The following SLC39A12 variants were observed in gnomAD, a reference collection of about 807,000 sequenced individuals.
SLC39A12 encodes the protein solute carrier family 39 member 12, also known as zinc transporter ZIP12.
In SLC39A12, 63 loss-of-function variants were observed where a neutral mutation model predicts 71.1. The ratio of observed to expected loss-of-function variants is 0.89; its 90% CI spans 0.72 to 1.09. The LOEUF (loss-of-function observed/expected upper bound fraction) is 1.09. SLC39A12 is among the 50% of genes least tolerant of loss of function. SLC39A12 has a pLI of 0.00. For synonymous variants in SLC39A12, 351 were observed against 301.3 expected, an observed-to-expected ratio of 1.16 and a Z score of -1.71; for missense variants, 892 against 812.6, an observed-to-expected ratio of 1.10 and a Z score of -1.19.
intron 12 of SLC39A12, among the ~76,000 whole-genome samples, chr10:18,029,081 C>T (rs1266619430): frequency 6.6e-6 from 1 of 150,492 alleles, no homozygotes; most frequent in Non-Finnish European, 1.5e-5. Context: ...CCATGTTAGC[C>T]AGGATGGTCT....
At position 17,988,369 on chromosome 10, in the gene SLC39A12, C is replaced by T. The variant is rs183019817; in HGVS notation, c.1269+718C>T. On this transcript the variant is annotated intron_variant, in intron 7 of 12. Coordinates refer to ENST00000377369, the MANE Select transcript of SLC39A12 (RefSeq NM_001145195.2). ...TGGTTGTTTAAAAGTCCAGAACCTC[C>T]CCGTCTCCCTCTCTCTTGCTTTCTC... Among the ~76,000 whole-genome samples, 59 of 152,210 alleles carry T rather than the reference C, an allele frequency of 3.9e-4. 1 individual carries two copies. The highest frequency in any genetic ancestry group is 3.1e-3 in the Admixed American group (47 of 15,290).
At chr10:17,975,150 C>G (rs927181508) in intron 4 of SLC39A12, among the ~76,000 whole-genome samples, 2 of 152,116 alleles carry the variant, frequency 1.3e-5, no homozygotes, top group East Asian at 3.9e-4. Context: ...TAGGACTCAC[C>G]CTTCAGGTCA....
intron 3 of SLC39A12, among the ~76,000 whole-genome samples, chr10:17,964,689 T>G (rs1834777547): frequency 1.3e-5 from 2 of 152,216 alleles, no homozygotes; most frequent in African/African-American, 4.8e-5. Context: ...AGATTTGACA[T>G]GCAATGAGTA....
At chr10:17,986,898 G>T (rs778047325) in intron 6 of SLC39A12, among the ~76,000 whole-genome samples, 1 of 152,136 alleles carries the variant, frequency 6.6e-6, no homozygotes, top group Admixed American at 6.6e-5. Flanking sequence ...CCAGCTGCTC[G>T]AGGGTCTGAT....
chr10:17,956,423 T>C (rs1834552258), intron 2 of SLC39A12, among the ~76,000 whole-genome samples: 1 of 147,412 alleles, frequency 6.8e-6, no homozygotes, highest in Non-Finnish European at 1.5e-5. Flanking sequence ...TGGATATACA[T>C]GTTCTCCTTA....
At chr10:18,014,407 G>A (rs983728361) in intron 12 of SLC39A12, among the ~76,000 whole-genome samples, 1 of 152,114 alleles carries the variant, frequency 6.6e-6, no homozygotes, top group African/African-American at 2.4e-5. Context: ...ACAGAAAGGT[G>A]TATTCTACAA....
intron 12 of SLC39A12, among the ~76,000 whole-genome samples, chr10:18,016,578 G>T (rs1836391373): frequency 6.6e-6 from 1 of 152,144 alleles, no homozygotes; most frequent in Non-Finnish European, 1.5e-5. Context: ...ATGATTGCTG[G>T]ATTACATGAT....
intron 12 of SLC39A12, among the ~76,000 whole-genome samples, chr10:18,028,866 C>G (rs895093371): frequency 6.6e-6 from 1 of 151,924 alleles, no homozygotes; most frequent in Non-Finnish European, 1.5e-5. Flanking sequence ...ATTATAGGCA[C>G]CTGCCACCAC....
intron 2 of SLC39A12, among the ~76,000 whole-genome samples, chr10:17,957,031 C>T (rs1834568729): frequency 6.6e-6 from 1 of 152,024 alleles, no homozygotes; most frequent in African/African-American, 2.4e-5. Context: ...AAAAAAACAC[C>T]TTATAGAAAC....
intron 12 of SLC39A12, among the ~76,000 whole-genome samples, chr10:18,039,477 C>G (rs943577201): frequency 1.3e-5 from 2 of 152,132 alleles, no homozygotes; most frequent in African/African-American, 4.8e-5. Flanking sequence ...CCTGTAATTC[C>G]AACACTTTGG....
chr10:17,959,733 C>T (rs1564638037), intron 2 of SLC39A12, among the ~76,000 whole-genome samples: 1 of 152,168 alleles, frequency 6.6e-6, no homozygotes, highest in Admixed American at 6.6e-5. Flanking sequence ...TTCTGGTCCA[C>T]AATTCCTGTG....
At position 18,037,993 on chromosome 10, in the gene SLC39A12, C is replaced by A. The variant is rs897124823; in HGVS notation, c.1948-4712C>A. Among the ~76,000 whole-genome samples the A allele has an allele frequency of 2.5e-5, 3 of 119,476 alleles. No homozygotes were observed. The Admixed American group carries it at 3.2e-4, about 13-fold the overall frequency. 78.4% of individuals were successfully genotyped at this position (119,476 alleles called of 152,430 possible). Reference sequence around the variant, plus strand: ...CAAGATCACACCAATGCACTCCAGCCTAGTGACAGAGTGAGCCTCCATCTC... The same window carrying A: ...CAAGATCACACCAATGCACTCCAGCATAGTGACAGAGTGAGCCTCCATCTC... On this transcript the variant is annotated intron_variant, in intron 12 of 12. Coordinates refer to ENST00000377369, the MANE Select transcript of SLC39A12 (RefSeq NM_001145195.2).
chr10:17,973,034 A>G (rs1589225498), intron 4 of SLC39A12, among the ~76,000 whole-genome samples: 1 of 152,090 alleles, frequency 6.6e-6, no homozygotes, highest in Admixed American at 6.6e-5. Flanking sequence ...GAGATTTGCA[A>G]ATACTATCTT....
At chr10:17,959,311 T>C (rs1285526806) in intron 2 of SLC39A12, among the ~76,000 whole-genome samples, 2 of 152,140 alleles carry the variant, frequency 1.3e-5, no homozygotes, top group Non-Finnish European at 2.9e-5. Context: ...TTGGTCTTAG[T>C]GGAACCCCTG....
intron 12 of SLC39A12, among the ~76,000 whole-genome samples, chr10:18,016,118 A>G (rs1438845764): frequency 6.6e-6 from 1 of 152,192 alleles, no homozygotes; most frequent in African/African-American, 2.4e-5. Flanking sequence ...TGACAAATGG[A>G]CGATGACACA....
intron 4 of SLC39A12, among the ~76,000 whole-genome samples, chr10:17,975,514 A>C (rs1216774779): frequency 2.6e-5 from 4 of 152,138 alleles, no homozygotes; most frequent in African/African-American, 9.7e-5. Flanking sequence ...CCACTGCCCC[A>C]TCCTGCTGTG....
chr10:18,022,088 A>G (rs1836549452), intron 12 of SLC39A12, among the ~76,000 whole-genome samples: 1 of 152,006 alleles, frequency 6.6e-6, no homozygotes. Flanking sequence ...TCTGATGACT[A>G]TGTGTCTTGG....
chr10:17,987,561 T>A lies in SLC39A12; in HGVS notation c.1179T>A (p.Cys393Ter). ...CAGCGCTGGTCCTTTTCCATAGCTGTGAGGAGAACTACAGGCTTATCTTAC... is the reference window on the plus strand; with the variant it reads ...CAGCGCTGGTCCTTTTCCATAGCTGAGAGGAGAACTACAGGCTTATCTTAC... ...LGTALVLFHS[C>*]EENYRLILQL... is the part of the protein sequence containing the mutation. The change falls in exon 7 of 13, where the codon TGT becomes TGA. Residue 393 changes from cysteine to a stop codon, truncating the protein, a stop_gained. Coordinates refer to ENST00000377369, the MANE Select transcript of SLC39A12 (RefSeq NM_001145195.2). LOFTEE classifies it high-confidence loss of function. 1 of 1,614,064 alleles carries A rather than the reference T, an allele frequency of 6.2e-7. No individual in the cohort carries two copies. Among genetic ancestry groups the A allele is most frequent in the Non-Finnish European group, 8.5e-7 (1 of 1,179,994 alleles).
intron 5 of SLC39A12, among the ~76,000 whole-genome samples, chr10:17,978,318 G>T (rs1023436867): frequency 1.3e-5 from 2 of 152,154 alleles, no homozygotes; most frequent in Non-Finnish European, 2.9e-5. Flanking sequence ...CTTGGGTTCA[G>T]ATTGAGTGAA....
Sources: gnomAD v4.1 joint callset for allele counts (sites outside exome capture counted in the v4.1 genomes callset) on GRCh38, gnomAD v4.1.1 for gene constraint, MANE v1.5 for transcripts, NCBI Gene and HGNC (gene_info 2026-07-23, HGNC 2026-07-21) for gene names.